Variants in SGCZ observed in about 807,000 individuals in gnomAD.
SGCZ encodes sarcoglycan zeta.
SGCZ carries 40 observed loss-of-function variants against 41.3 expected under a neutral mutation model. The ratio of observed to expected loss-of-function variants is 0.97; its 90% confidence interval spans 0.75 to 1.26. The LOEUF (loss-of-function observed/expected upper bound fraction) is 1.26. SGCZ is among the 50% of genes most tolerant of loss of function. The pLI is 0.00. For missense variants in SGCZ, 552 were observed against 369.8 expected (o/e 1.49, Z -4.04); for synonymous variants, 206 against 137.5 (o/e 1.50, Z -3.49).
At chr8:14,713,965 T>G (rs577884423) in intron 1 of SGCZ, among the ~76,000 whole-genome samples, 1 of 151,950 alleles carries the variant, frequency 6.6e-6, no homozygotes, top group East Asian at 1.9e-4. Context: ...AGCATCTGTA[T>G]GTTTGTTTTT....
intron 1 of SGCZ, among the ~76,000 whole-genome samples, chr8:14,946,865 G>C (rs1172362573): frequency 2.0e-5 from 3 of 151,616 alleles, no homozygotes; most frequent in African/African-American, 7.3e-5. Flanking sequence ...TAGTAGAGAC[G>C]GGGTTTCACC....
At chr8:14,661,611 T>C (rs1364489272) in intron 1 of SGCZ, among the ~76,000 whole-genome samples, 4 of 152,212 alleles carry the variant, frequency 2.6e-5, no homozygotes, top group East Asian at 3.9e-4. Context: ...TCAACATAAA[T>C]CAGTAGCATT....
chr8:14,919,913 G>GT (rs397955356), intron 1 of SGCZ, among the ~76,000 whole-genome samples: 19 of 151,824 alleles, frequency 1.3e-4, no homozygotes, highest in Non-Finnish European at 1.5e-4. Flanking sequence ...GTGAGACTCT[G>GT]TTTTTTTTGT....
intron 1 of SGCZ, among the ~76,000 whole-genome samples, chr8:14,977,257 C>A (rs2130874043): frequency 6.6e-6 from 1 of 152,272 alleles, no homozygotes; most frequent in East Asian, 1.9e-4. Context: ...GATCTCTTTA[C>A]CGGTGAGAAC....
intron 1 of SGCZ, among the ~76,000 whole-genome samples, chr8:15,209,852 C>G (rs185139718): frequency 2.0e-5 from 3 of 152,212 alleles, no homozygotes; most frequent in Admixed American, 6.5e-5. Context: ...ATACATTGTT[C>G]TTAGCTAATC....
At chr8:15,038,126 A>T (rs753708166) in intron 1 of SGCZ, among the ~76,000 whole-genome samples, 36 of 152,136 alleles carry the variant, frequency 2.4e-4, no homozygotes, top group Non-Finnish European at 4.6e-4. Flanking sequence ...ATATGGAATC[A>T]CAAAAGACAT....
At chr8:14,702,835 A>AGATAGATAGATAGATAGATAGATAGAT (rs1563213017) in intron 1 of SGCZ, among the ~76,000 whole-genome samples, 1 of 61,806 alleles carries the variant, frequency 1.6e-5, no homozygotes, top group African/African-American at 3.9e-5. Context: ...ATAGATAGAT[A>AGATAGATAGATAGATAGATAGATAGAT]GATAGATAGA....
intron 1 of SGCZ, among the ~76,000 whole-genome samples, chr8:14,869,746 G>A (rs1585334122): frequency 6.6e-6 from 1 of 152,114 alleles, no homozygotes; most frequent in Non-Finnish European, 1.5e-5. Flanking sequence ...CAAACTCTCA[G>A]GATACACAAT....
At chr8:14,137,345 A>G (rs1585168415) in intron 5 of SGCZ, among the ~76,000 whole-genome samples, 1 of 152,250 alleles carries the variant, frequency 6.6e-6, no homozygotes, top group African/African-American at 2.4e-5. Flanking sequence ...AGTTGACAGA[A>G]GTAGGCTTCA....
chr8:14,861,746 T>C (rs1008847355), intron 1 of SGCZ, among the ~76,000 whole-genome samples: 1 of 152,048 alleles, frequency 6.6e-6, no homozygotes, highest in African/African-American at 2.4e-5. Context: ...ATTATGTTCT[T>C]TAGACTTGCA....
chr8:14,153,150 G>C (rs1803761121), intron 5 of SGCZ, among the ~76,000 whole-genome samples: 1 of 152,122 alleles, frequency 6.6e-6, no homozygotes, highest in Non-Finnish European at 1.5e-5. Context: ...TTTATAAGAT[G>C]TTACCATTGA....
chr8:14,711,367 A>G (rs895482386), intron 1 of SGCZ, among the ~76,000 whole-genome samples: 8 of 151,052 alleles, frequency 5.3e-5, no homozygotes, highest in Non-Finnish European at 1.2e-4. Context: ...AGGCTGGCAG[A>G]TCCCTTGAGA....
chr8:14,491,562 T>A (rs549895423), intron 2 of SGCZ, among the ~76,000 whole-genome samples: 1 of 152,272 alleles, frequency 6.6e-6, no homozygotes, highest in South Asian at 2.1e-4. Context: ...AAACACAAGT[T>A]TTTTATATCC....
At position 15,212,133 on chromosome 8, in the gene SGCZ, C is replaced by G. The variant is rs1170543365; in HGVS notation, c.39+25452G>C. On this transcript the variant is annotated intron_variant, in intron 1 of 7. Coordinates refer to ENST00000382080, the MANE Select transcript of SGCZ (RefSeq NM_139167.4). ...ATCTCAAGAAACGACTGCATGGATGCCTAAATAACAATATGTTCAAAATTA... is the reference window on the plus strand; with the variant it reads ...ATCTCAAGAAACGACTGCATGGATGGCTAAATAACAATATGTTCAAAATTA... Among the ~76,000 whole-genome samples, 5 of 152,180 alleles carry G rather than the reference C, an allele frequency of 3.3e-5. No homozygotes were observed. In the East Asian group the frequency reaches 5.8e-4, roughly 18 times the overall value.
intron 5 of SGCZ, among the ~76,000 whole-genome samples, chr8:14,116,569 T>C (rs531713216): frequency 1.3e-5 from 2 of 152,212 alleles, no homozygotes; most frequent in South Asian, 4.1e-4. Context: ...ACGACATGCA[T>C]AGAGTCCAAA....
chr8:14,672,010 A>G (rs771565298), intron 1 of SGCZ, among the ~76,000 whole-genome samples: 1 of 152,148 alleles, frequency 6.6e-6, no homozygotes, highest in Non-Finnish European at 1.5e-5. Flanking sequence ...CTATCTTCCA[A>G]TTTGGGAATA....
intron 1 of SGCZ, among the ~76,000 whole-genome samples, chr8:15,070,357 T>C (rs1235064526): frequency 1.3e-5 from 2 of 152,206 alleles, no homozygotes; most frequent in African/African-American, 4.8e-5. Flanking sequence ...AATTTATATA[T>C]ACATGCTTGT....
At position 14,368,787 on chromosome 8, in the gene SGCZ, T is replaced by C. The variant is rs149939554; in HGVS notation, c.235-44583A>G. Among the ~76,000 whole-genome samples, 1,383 of 151,642 alleles carry C rather than the reference T, an allele frequency of 9.1e-3. 15 individuals carry two copies. The highest frequency in any genetic ancestry group is 0.02 in the African/African-American group (816 of 41,070). ...ACAAAATGCAGCACCATGTTTGTAA[T>C]GTGATAAACTCAAGTGGCCAAAAAA... is the stretch of plus-strand genomic sequence containing the variant. On this transcript the variant is annotated intron_variant, in intron 2 of 7. Transcript: ENST00000382080.
chr8:14,673,433 T>C (rs111238841), intron 1 of SGCZ, among the ~76,000 whole-genome samples: 3,170 of 152,150 alleles, frequency 0.021, 101 homozygotes, highest in African/African-American at 0.072. Context: ...TGTCTCTCTC[T>C]CGCGCTCGCG....
Sources: allele counts gnomAD v4.1 joint callset (sites outside exome capture counted in the v4.1 genomes callset), GRCh38; gene constraint gnomAD v4.1.1; transcripts MANE v1.5; gene names NCBI Gene and HGNC (gene_info 2026-07-23, HGNC 2026-07-21).